Variants in DCDC1 observed in about 807,000 individuals in gnomAD.
DCDC1 encodes doublecortin domain containing 1, also known as doublecortin domain-containing protein 1.
DCDC1 carries 200 observed loss-of-function variants against 178.3 expected under a neutral mutation model. The ratio of observed to expected loss-of-function variants is 1.12; its 90% CI spans 1.00 to 1.26. The LOEUF (loss-of-function observed/expected upper bound fraction) is 1.26, where lower values mean the gene tolerates loss of function less well. Among genes scored for constraint, DCDC1 ranks in the 50% most tolerant of loss-of-function variants. The pLI, the probability that DCDC1 is intolerant of heterozygous loss-of-function variation, is 0.00. For missense variants in DCDC1, 1,983 were observed against 1,749.2 expected, an observed-to-expected ratio of 1.13 and a Z score of -2.38; for synonymous variants, 690 against 604.8, an observed-to-expected ratio of 1.14 and a Z score of -2.07.
intron 6 of DCDC1, among the ~76,000 whole-genome samples, chr11:31,301,120 T>C (rs1417022149): frequency 6.6e-6 from 1 of 152,194 alleles, no homozygotes; most frequent in Non-Finnish European, 1.5e-5. Context: ...TTTCCTATAG[T>C]TTTACCCTCA....
At chr11:30,957,297 G>A (rs766025136) in intron 20 of DCDC1, among the ~76,000 whole-genome samples, 2 of 152,184 alleles carry the variant, frequency 1.3e-5, no homozygotes, top group South Asian at 4.2e-4. Context: ...CCTTATTTCT[G>A]TGTGTCCCTT....
chr11:31,194,472 G>GA (rs1325651602), intron 9 of DCDC1, among the ~76,000 whole-genome samples: 1 of 151,954 alleles, frequency 6.6e-6, no homozygotes, highest in Non-Finnish European at 1.5e-5. Context: ...ACAACTTAGA[G>GA]AAAAAACATC....
chr11:30,873,190 G>T (rs776135201), intron 38 of DCDC1, among the ~76,000 whole-genome samples: 2 of 150,770 alleles, frequency 1.3e-5, no homozygotes, highest in Non-Finnish European at 2.9e-5. Context: ...TAGCTTAGAG[G>T]GTGGGGTAGT....
At chr11:31,069,929 A>G (rs1956454505) in intron 18 of DCDC1, among the ~76,000 whole-genome samples, 1 of 152,218 alleles carries the variant, frequency 6.6e-6, no homozygotes, top group Admixed American at 6.5e-5. Context: ...AGCAAAGACC[A>G]AAAGTACAAC....
intron 9 of DCDC1, among the ~76,000 whole-genome samples, chr11:31,192,348 A>G (rs1970224533): frequency 6.6e-6 from 1 of 152,088 alleles, no homozygotes; most frequent in South Asian, 2.1e-4. Flanking sequence ...CCAAGGACCT[A>G]TTGACCCAAT....
At chr11:31,127,346 C>A in intron 11 of DCDC1, 123 bp downstream of exon 11, 1 of 504,888 alleles carries the variant, frequency 2.0e-6, no homozygotes, top group South Asian at 3.3e-5. Context: ...GTAATATTAC[C>A]AGTTTGAGGA....
At chr11:31,049,223 A>C (rs1040125716) in intron 20 of DCDC1, among the ~76,000 whole-genome samples, 3 of 152,206 alleles carry the variant, frequency 2.0e-5, no homozygotes, top group African/African-American at 7.2e-5. Context: ...TATAAAATAG[A>C]AAGGAATAAA....
intron 38 of DCDC1, 68 bp downstream of exon 38, chr11:30,878,476 G>C: frequency 7.6e-7 from 1 of 1,314,180 alleles, no homozygotes; most frequent in Non-Finnish European, 1.0e-6. Flanking sequence ...GGGGGGAACT[G>C]CATGAAAATA....
chr11:31,362,987 A>C (rs1228638967), intron 1 of DCDC1, among the ~76,000 whole-genome samples: 1 of 152,134 alleles, frequency 6.6e-6, no homozygotes, highest in African/African-American at 2.4e-5. Flanking sequence ...CCTGATGCTA[A>C]ATGAAGAATG....
intron 7 of DCDC1, among the ~76,000 whole-genome samples, chr11:31,286,816 A>G (rs1946872204): frequency 6.6e-6 from 1 of 152,124 alleles, no homozygotes; most frequent in African/African-American, 2.4e-5. Context: ...TTTTGCTATC[A>G]GAAGAGTAGA....
At chr11:31,197,196 T>C (rs1006867400) in intron 9 of DCDC1, among the ~76,000 whole-genome samples, 1 of 152,114 alleles carries the variant, frequency 6.6e-6, no homozygotes, top group African/African-American at 2.4e-5. Context: ...CAAAAATATC[T>C]TTGTTTCAAG....
intron 11 of DCDC1, among the ~76,000 whole-genome samples, chr11:31,126,647 A>C (rs563290135): frequency 6.6e-6 from 1 of 152,316 alleles, no homozygotes; most frequent in African/African-American, 2.4e-5. Flanking sequence ...AATCAAAAGG[A>C]AATGACGAGT....
chr11:31,360,700 G>T (rs1951665833), intron 1 of DCDC1, among the ~76,000 whole-genome samples: 1 of 152,176 alleles, frequency 6.6e-6, no homozygotes, highest in Non-Finnish European at 1.5e-5. Context: ...TAACTGTGTT[G>T]ATTAGTGGTA....
rs181085888 is a variant in DCDC1 at position 30,916,973 on chromosome 11, A to T, written c.3349T>A (p.Tyr1117Asn). The T allele has an allele frequency of 1.2e-6, 2 of 1,610,650 alleles. No homozygotes were observed. The highest frequency in any genetic ancestry group is 2.7e-5 in the African/African-American group (2 of 75,012). Reference protein sequence around the residue: ...RMKACHTLPRYAWQETSHDFD... With the variant: ...RMKACHTLPRNAWQETSHDFD... ...TCATGTGAAGTTTCCTGCCAGGCAT[A>T]CCTGGGAAGTGTGTGACAAGCCTTC... The change falls in exon 26 of 39, where the codon TAT becomes AAT. Residue 1117 changes from tyrosine to asparagine, a missense_variant. Coordinates refer to ENST00000684477, the MANE Select transcript of DCDC1 (RefSeq NM_001387274.1).
chr11:31,052,367 T>C (rs562706914), intron 20 of DCDC1, among the ~76,000 whole-genome samples: 4 of 151,346 alleles, frequency 2.6e-5, no homozygotes, highest in South Asian at 2.1e-4. Context: ...TTAGTAAGAG[T>C]CCTAAGAAAT....
chr11:31,212,914 T>A, intron 9 of DCDC1, among the ~76,000 whole-genome samples: 1 of 152,148 alleles, frequency 6.6e-6, no homozygotes, highest in Non-Finnish European at 1.5e-5. Flanking sequence ...TAGCTATATA[T>A]AACTGTTATG....
chr11:30,870,469 G>A (rs1218960741), intron 38 of DCDC1, among the ~76,000 whole-genome samples: 1 of 152,174 alleles, frequency 6.6e-6, no homozygotes, highest in African/African-American at 2.4e-5. Flanking sequence ...TGGCCTTTGA[G>A]AGTGAGGTAG....
chr11:31,150,954 T>C (rs1021803274), intron 9 of DCDC1, among the ~76,000 whole-genome samples: 1 of 152,218 alleles, frequency 6.6e-6, no homozygotes, highest in African/African-American at 2.4e-5. Context: ...TATTTAAGAA[T>C]TGCATTAAAC....
intron 9 of DCDC1, among the ~76,000 whole-genome samples, chr11:31,148,702 CAA>C (rs397972383): frequency 4.9e-5 from 7 of 141,540 alleles, no homozygotes; most frequent in Non-Finnish European, 3.1e-5. Flanking sequence ...GACTCCGTCT[CAA>C]AAAAAAAAAA....
Sources: gnomAD v4.1 joint callset for allele counts (sites outside exome capture counted in the v4.1 genomes callset) on GRCh38, gnomAD v4.1.1 for gene constraint, MANE v1.5 for transcripts, NCBI Gene and HGNC (gene_info 2026-07-23, HGNC 2026-07-21) for gene names.